The following TBC1D3G variants were observed in gnomAD, a reference collection of about 807,000 sequenced individuals.
The protein encoded by TBC1D3G is TBC1 domain family member 3G.
At chr17:36,318,435 C>CAAAAAAAAAAAAAAAAAA in the TBC1D3G span, among the ~76,000 whole-genome samples, 17 of 10,438 alleles carry the variant, frequency 1.6e-3, 4 homozygotes, top group African/African-American at 4.1e-3. Context: ...GACTTTGTCT[C>CAAAAAAAAAAAAAAAAAA]AAAAAAAAAA....
At chr17:36,317,862 T>G in the TBC1D3G span, among the ~76,000 whole-genome samples, 1 of 129,624 alleles carries the variant, frequency 7.7e-6, no homozygotes, top group Non-Finnish European at 1.6e-5. Context: ...TTTTCTGTTT[T>G]TGTTTTTCAG....
chr17:36,317,692 A>G, the TBC1D3G span, among the ~76,000 whole-genome samples: 26 of 149,780 alleles, frequency 1.7e-4, no homozygotes, highest in Middle Eastern at 3.5e-3. Context: ...TTTATATTCC[A>G]TAAGTGCTTA....
intron 3 of TBC1D3G, among the ~76,000 whole-genome samples, chr17:36,326,368 C>G (rs1401807925): frequency 2.4e-4 from 31 of 130,124 alleles, no homozygotes; most frequent in African/African-American, 8.2e-4. Flanking sequence ...AGGAGCCCAG[C>G]CAGGAGCCCA....
upstream of TBC1D3G, among the ~76,000 whole-genome samples, chr17:36,322,014 G>GT (rs2069367951): frequency 8.8e-6 from 1 of 114,042 alleles, no homozygotes; most frequent in African/African-American, 2.7e-5. Flanking sequence ...TTAGCTGGGT[G>GT]TGGTGGCATG....
chr17:36,318,454 A>AAAAAAAAAAAAAAAAAAAAAAC, the TBC1D3G span, among the ~76,000 whole-genome samples: 1 of 119,806 alleles, frequency 8.3e-6, no homozygotes, highest in Non-Finnish European at 1.8e-5. Context: ...AAAAAAAAAA[A>AAAAAAAAAAAAAAAAAAAAAAC]AAAAAAAAAA....
upstream of TBC1D3G, among the ~76,000 whole-genome samples, chr17:36,323,722 AAC>A (rs1203742395): frequency 7.8e-6 from 1 of 127,662 alleles, no homozygotes; most frequent in Non-Finnish European, 1.7e-5. Context: ...CACGTGCACA[AAC>A]ACATTGCAGG....
At chr17:36,317,909 T>C in the TBC1D3G span, among the ~76,000 whole-genome samples, 1 of 120,824 alleles carries the variant, frequency 8.3e-6, no homozygotes, top group Non-Finnish European at 1.7e-5. Context: ...TACGTGATTA[T>C]ATTTTCCACC....
the TBC1D3G span, among the ~76,000 whole-genome samples, chr17:36,318,472 A>AAAAAAAAAAAAAAAAAAAAAAAAAG: frequency 9.6e-6 from 1 of 104,108 alleles, no homozygotes; most frequent in African/African-American, 3.6e-5. Context: ...AAAAAAAAAA[A>AAAAAAAAAAAAAAAAAAAAAAAAAG]AAAGAAAGGA....
chr17:36,318,081 G>A, the TBC1D3G span, among the ~76,000 whole-genome samples: 5 of 77,066 alleles, frequency 6.5e-5, no homozygotes, highest in African/African-American at 2.1e-4. Flanking sequence ...AGGCTGAGGC[G>A]GGAGGATTGC....
In TBC1D3G at chr17:36,328,552, G is replaced by C; in HGVS notation, c.442G>C (p.Asp148His). Residue 148 changes from aspartate to histidine, a missense_variant, in exon 7 of 14, where the codon GAC (aspartate) becomes CAC (histidine). Physicochemically the swap from Asp to His is moderately conservative, Grantham distance 81. Transcript: ENST00000569055. ...TGAGCACATCCAGCGCATCGACCGGGACATAAGCGGGACATTAAGGAAGCA... is the reference window on the plus strand; with the variant it reads ...TGAGCACATCCAGCGCATCGACCGGCACATAAGCGGGACATTAAGGAAGCA... ...SSEHIQRIDR[D>H]ISGTLRKHMF... 1 of 301,994 alleles carries C rather than the reference G, an allele frequency of 3.3e-6. No individual in the cohort carries two copies. The allele number at this position is 301,994 out of a possible 1,614,324, so 18.7% of individuals were successfully genotyped here. A position where few individuals can be genotyped will look rare whatever the true frequency, so the allele number is the denominator to read the frequency against.
the TBC1D3G span, among the ~76,000 whole-genome samples, chr17:36,318,435 C>CAAAAAAAAAAAAAAAAAAAAA: frequency 6.7e-4 from 7 of 10,436 alleles, 3 homozygotes; most frequent in Admixed American, 2.7e-3. Flanking sequence ...GACTTTGTCT[C>CAAAAAAAAAAAAAAAAAAAAA]AAAAAAAAAA....
the TBC1D3G span, among the ~76,000 whole-genome samples, chr17:36,317,971 ATT>A: frequency 3.5e-4 from 30 of 86,480 alleles, no homozygotes; most frequent in African/African-American, 2.1e-3. Context: ...ATATGGGCTT[ATT>A]TTTTTTTTTC....
At chr17:36,317,642 C>T in the TBC1D3G span, among the ~76,000 whole-genome samples, 1 of 149,296 alleles carries the variant, frequency 6.7e-6, no homozygotes, top group East Asian at 1.9e-4. Context: ...ATTCTTTGTC[C>T]ATTCCATTTA....
intron 9 of TBC1D3G, 92 bp downstream of exon 9, chr17:36,330,660 TC>T: frequency 2.1e-6 from 1 of 471,232 alleles, no homozygotes; most frequent in South Asian, 2.3e-5. Flanking sequence ...CAAGGCACCC[TC>T]CTTGTGTCGC....
At chr17:36,317,706 A>G in the TBC1D3G span, among the ~76,000 whole-genome samples, 2 of 148,820 alleles carry the variant, frequency 1.3e-5, no homozygotes, top group African/African-American at 5.0e-5. Context: ...GTGCTTAAAC[A>G]CCATTCATTA....
upstream of TBC1D3G, among the ~76,000 whole-genome samples, chr17:36,322,328 CT>C (rs2069372029): frequency 1.3e-4 from 7 of 55,410 alleles, no homozygotes; most frequent in Non-Finnish European, 5.2e-5. Context: ...TTCTGCCCCC[CT>C]GGTATTTCCT....
At chr17:36,317,677 A>G in the TBC1D3G span, among the ~76,000 whole-genome samples, 1 of 149,934 alleles carries the variant, frequency 6.7e-6, no homozygotes, top group Non-Finnish European at 1.5e-5. Flanking sequence ...TTAACAGGTG[A>G]TAATTTTATA....
rs2069411907 is a variant in TBC1D3G, at chr17:36,332,897, GA to G, written c.1067del (p.Asp356AlafsTer109). 1 of 456,762 alleles carries G rather than the reference GA, an allele frequency of 2.2e-6. No individual in the cohort carries two copies. Among genetic ancestry groups the G allele is most frequent in the African/African-American group, 3.8e-5 (1 of 26,170 alleles). 28.3% of individuals were successfully genotyped at this position (456,762 alleles called of 1,614,324 possible). A position where few individuals can be genotyped will look rare whatever the true frequency, so the allele number is the denominator to read the frequency against. On this transcript the variant is annotated frameshift_variant, in exon 13 of 14. Transcript: ENST00000569055. LOFTEE classifies it low-confidence loss of function (END_TRUNC). ...SMKKLTRKQGDLPPPAKPEQG... is the reference protein window; with the variant it reads ...SMKKLTRKQGXLPPPAKPEQG... ...GAAGAAACTAACAAGAAAGCAGGGGGACCTGCCACCCCCAGGTGGGCTCCAG... is the reference window on the plus strand; with the variant it reads ...GAAGAAACTAACAAGAAAGCAGGGGGCCTGCCACCCCCAGGTGGGCTCCAG...
At chr17:36,318,435 C>CAAAAAAAAAAAAAAAAAAAA in the TBC1D3G span, among the ~76,000 whole-genome samples, 11 of 10,436 alleles carry the variant, frequency 1.1e-3, 3 homozygotes, top group African/African-American at 2.3e-3. Flanking sequence ...GACTTTGTCT[C>CAAAAAAAAAAAAAAAAAAAA]AAAAAAAAAA....
Sources: gnomAD v4.1 joint callset for allele counts (sites outside exome capture counted in the v4.1 genomes callset) on GRCh38, gnomAD v4.1.1 for gene constraint, MANE v1.5 for transcripts, NCBI Gene and HGNC (gene_info 2026-07-23, HGNC 2026-07-21) for gene names.